Variants in TRIOBP observed in about 807,000 individuals in gnomAD.
TRIOBP encodes the protein TRIO and F-actin binding protein, also known as TRIO and F-actin-binding protein.
In TRIOBP, 169 loss-of-function variants were observed where a neutral mutation model predicts 238.8. The observed-to-expected ratio is 0.71, with a 90% CI of 0.62 to 0.80. TRIOBP has a LOEUF of 0.80. Ranked by LOEUF, TRIOBP falls within the 30% of genes least tolerant of loss-of-function variation. The pLI is 0.00. For missense variants in TRIOBP, 2,838 were observed against 3,122.6 expected, an observed-to-expected ratio of 0.91 and a Z score of 2.17; for synonymous variants, 1,150 against 1,274.4, an observed-to-expected ratio of 0.90 and a Z score of 2.08.
chr22:37,718,712 C>T (rs889656078), intron 6 of TRIOBP, among the ~76,000 whole-genome samples: 1 of 151,922 alleles, frequency 6.6e-6, no homozygotes, highest in Non-Finnish European at 1.5e-5. Flanking sequence ...GGACAAAAAG[C>T]GGCTAGGGGA....
intron 11 of TRIOBP, among the ~76,000 whole-genome samples, chr22:37,743,801 A>ATGTGTGTG (rs71195050): frequency 0.047 from 5,341 of 114,024 alleles, 200 homozygotes; most frequent in Middle Eastern, 0.08. Flanking sequence ...GAGAGAGAGA[A>ATGTGTGTG]TGTGTGTGTG....
Position 37,724,879 on chromosome 22 carries a change from C to T in TRIOBP, c.2323C>T (p.Gln775Ter), listed in dbSNP as rs1261967306. 3 of 1,611,596 alleles carry T rather than the reference C, an allele frequency of 1.9e-6. No homozygotes were observed. The highest frequency in any genetic ancestry group is 2.2e-5 in the East Asian group (1 of 44,640). ...QENLRTSCTR[Q>*]DNPRTSSPNR... ...GAACCTCAGAACATCCTGTACCCGA[C>T]AGGACAATCCCAGGACCTCCTCTCC... is the stretch of plus-strand genomic sequence containing the variant. Residue 775 changes from glutamine (Q) to a stop codon, truncating the protein, a stop_gained, in exon 7 of 24, where the codon CAG becomes TAG. Transcript: ENST00000644935. LOFTEE classifies it high-confidence loss of function.
Position 37,757,646 on chromosome 22 carries a change from C to G in TRIOBP, c.5721C>G (p.His1907Gln). The G allele has an allele frequency of 6.3e-7, 1 of 1,590,358 alleles. No homozygotes were observed. Among genetic ancestry groups the G allele is most frequent in the Non-Finnish European group, 8.5e-7 (1 of 1,170,088 alleles). The change falls in exon 16 of 24, where the codon CAC becomes CAG. Residue 1907 changes from histidine to glutamine, a missense_variant. This residue lies in a region of TRIOBP where 2,096 missense variants were observed against 2,137.4 expected (regional missense o/e 0.98). Coordinates refer to ENST00000644935, the MANE Select transcript of TRIOBP (RefSeq NM_001039141.3). ...ACTCTAACAAGGAGAACGCGCTGCACAGCTACAGCACCCAGAAGGGCCCCC... is the reference window on the plus strand; with the variant it reads ...ACTCTAACAAGGAGAACGCGCTGCAGAGCTACAGCACCCAGAAGGGCCCCC... ...LSDSNKENAL[H>Q]SYSTQKGPLK...
In TRIOBP at chr22:37,725,855, C is replaced by T. The variant is rs770654549; in HGVS notation, c.3299C>T (p.Ser1100Phe). Residue 1100 changes from serine (S) to phenylalanine (F), a missense_variant, in exon 7 of 24, where the codon TCC becomes TTC. Around this residue, in one of 5 missense-constraint regions of TRIOBP, gnomAD observed 2,096 missense variants for 2,137.4 expected, o/e 0.98. Transcript: ENST00000644935. ...DTSDAEHQCQ[S>F]PQHEPLQLPA... ...TCAGATGCCGAGCATCAGTGTCAGT[C>T]CCCCCAACACGAGCCCCTTCAGCTC... is the stretch of plus-strand genomic sequence containing the variant. 1.9e-6 allele frequency: 3 copies of T among 1,612,446 alleles called. No individual in the cohort carries two copies. Among genetic ancestry groups the T allele is most frequent in the South Asian group, 1.1e-5 (1 of 90,968 alleles).
chr22:37,748,947 G>A (rs370874724), intron 11 of TRIOBP, among the ~76,000 whole-genome samples: 9 of 152,260 alleles, frequency 5.9e-5, no homozygotes, highest in Admixed American at 2.0e-4. Context: ...TGTTGTGATC[G>A]GCAAGGAATA....
At chr22:37,707,461 G>A (rs1483470444) in intron 3 of TRIOBP, among the ~76,000 whole-genome samples, 1 of 151,890 alleles carries the variant, frequency 6.6e-6, no homozygotes, top group East Asian at 1.9e-4. Context: ...GCTGGGGTTG[G>A]GGCGGGTCTT....
intron 11 of TRIOBP, among the ~76,000 whole-genome samples, chr22:37,746,612 C>T (rs1040949850): frequency 2.6e-5 from 4 of 152,372 alleles, no homozygotes; most frequent in African/African-American, 9.6e-5. Context: ...GCAGGCTCCT[C>T]CTCGCCTTCC....
At chr22:37,759,113 C>T (rs1376757303) in intron 16 of TRIOBP, 41 bp from the exon 17 acceptor site, 2 of 1,541,160 alleles carry the variant, frequency 1.3e-6, no homozygotes, top group Admixed American at 3.7e-5. Flanking sequence ...CCAGCCCTGC[C>T]CCAGCTTCCA....
At chr22:37,766,413 C>T (rs1926496190) in intron 18 of TRIOBP, among the ~76,000 whole-genome samples, 1 of 152,270 alleles carries the variant, frequency 6.6e-6, no homozygotes, top group South Asian at 2.1e-4. Flanking sequence ...ATCTGAAGCT[C>T]ACAACCTGCC....
chr22:37,737,609 C>G (rs1924733330), intron 9 of TRIOBP, among the ~76,000 whole-genome samples: 1 of 145,516 alleles, frequency 6.9e-6, no homozygotes, highest in South Asian at 2.2e-4. Context: ...TGCAGTGAGC[C>G]GAGATCACGC....
At position 37,771,720 on chromosome 22, in the gene TRIOBP, T is replaced by C. The variant is rs752281313; in HGVS notation, c.6920T>C (p.Leu2307Pro). ...GAGGTGCAGTGCCTCCGGGACGAGCTCCAGATGATGCAGAAGGTAGGTCCT... is the reference window on the plus strand; with the variant it reads ...GAGGTGCAGTGCCTCCGGGACGAGCCCCAGATGATGCAGAAGGTAGGTCCT... Reference protein sequence around the residue: ...KKEVQCLRDELQMMQKDKRFT... With the variant: ...KKEVQCLRDEPQMMQKDKRFT... Residue 2307 changes from leucine (L) to proline (P), a missense_variant, in exon 22 of 24, where the codon CTC becomes CCC. Transcript: ENST00000644935. 1 of 1,614,050 alleles carries C rather than the reference T, an allele frequency of 6.2e-7. No individual in the cohort carries two copies. The highest frequency in any genetic ancestry group is 1.1e-5 in the South Asian group (1 of 91,076).
At chr22:37,751,489 G>C in intron 11 of TRIOBP, 1 of 510,616 alleles carries the variant, frequency 2.0e-6, no homozygotes, top group Admixed American at 3.2e-5. Context: ...CGAGGGGTCG[G>C]CTGGAGAGAG....
At chr22:37,737,863 C>T (rs573231925) in intron 9 of TRIOBP, among the ~76,000 whole-genome samples, 1 of 152,294 alleles carries the variant, frequency 6.6e-6, no homozygotes, top group African/African-American at 2.4e-5. Flanking sequence ...TCCTGAGAAG[C>T]CTTCCCTGAA....
At position 37,772,721 on chromosome 22, in the gene TRIOBP, C is replaced by G. The variant is rs751869508; in HGVS notation, c.7057C>G (p.Leu2353Val). Residue 2353 changes from leucine to valine, a missense_variant, in exon 23 of 24, where the codon CTC becomes GTC. Around this residue, in one of 5 missense-constraint regions of TRIOBP, gnomAD observed 2,096 missense variants for 2,137.4 expected, o/e 0.98. Coordinates refer to ENST00000644935, the MANE Select transcript of TRIOBP (RefSeq NM_001039141.3). Reference sequence around the variant, plus strand: ...GCACCTGCGTCTTGCCATGGCCGCCCTCCAGGAGAAGGAGTCGATGCGCAA... The same window carrying G: ...GCACCTGCGTCTTGCCATGGCCGCCGTCCAGGAGAAGGAGTCGATGCGCAA... ...KEHLRLAMAALQEKESMRNSL... is the reference protein window; with the variant it reads ...KEHLRLAMAAVQEKESMRNSL... 1.4e-5 allele frequency: 22 copies of G among 1,613,920 alleles called. No homozygotes were observed. The highest frequency in any genetic ancestry group is 1.6e-4 in the Middle Eastern group (1 of 6,084).
At chr22:37,761,702 C>T (rs1422878869) in intron 17 of TRIOBP, among the ~76,000 whole-genome samples, 2 of 152,034 alleles carry the variant, frequency 1.3e-5, no homozygotes, top group Non-Finnish European at 2.9e-5. Flanking sequence ...GCTGGGGCTG[C>T]TGCTCCAGGG....
At chr22:37,758,164 G>A (rs377016880) in intron 16 of TRIOBP, 26 bp downstream of exon 16, 1 of 1,609,600 alleles carries the variant, frequency 6.2e-7, no homozygotes, top group African/African-American at 1.3e-5. Context: ...GGCTCTCTAG[G>A]AGGCCCCTTG....
At chr22:37,720,475 C>T (rs1287275306) in intron 6 of TRIOBP, among the ~76,000 whole-genome samples, 7 of 152,146 alleles carry the variant, frequency 4.6e-5, no homozygotes, top group Admixed American at 4.6e-4. Context: ...GACAGGTTTC[C>T]CATCTCTTCC....
intron 11 of TRIOBP, among the ~76,000 whole-genome samples, chr22:37,741,913 C>T (rs910471579): frequency 1.3e-5 from 2 of 152,182 alleles, no homozygotes; most frequent in African/African-American, 2.4e-5. Flanking sequence ...ATGGAGGTTG[C>T]GGGGCTGTTG....
chr22:37,702,297 T>A (rs1041897715), intron 3 of TRIOBP, among the ~76,000 whole-genome samples: 4 of 151,910 alleles, frequency 2.6e-5, no homozygotes, highest in African/African-American at 7.2e-5. Flanking sequence ...CTCTGCCTCC[T>A]AGGTTCAAGC....
Sources: gnomAD v4.1 joint callset for allele counts (sites outside exome capture counted in the v4.1 genomes callset) on GRCh38, gnomAD v4.1.1 for gene constraint, gnomAD v4.1.1 regional missense constraint, MANE v1.5 for transcripts, NCBI Gene and HGNC (gene_info 2026-07-23, HGNC 2026-07-21) for gene names.